The following EXTL3 variants were observed in gnomAD, a reference collection of about 807,000 sequenced individuals.
The protein encoded by EXTL3 is exostosin-like 3.
EXTL3 carries 27 observed loss-of-function variants against 69.3 expected under a neutral mutation model. The observed-to-expected ratio is 0.39, with a 90% CI of 0.29 to 0.54. The LOEUF (loss-of-function observed/expected upper bound fraction) is 0.54. Ranked by LOEUF, EXTL3 falls within the 20% of genes least tolerant of loss-of-function variation. EXTL3 has a pLI of 0.69. For synonymous variants in EXTL3, 511 were observed against 499.4 expected, an observed-to-expected ratio of 1.02 and a Z score of -0.31; for missense variants, 1,003 against 1,231.8, an observed-to-expected ratio of 0.81 and a Z score of 2.78.
At chr8:28,660,913 C>CT (rs35991958) in intron 1 of EXTL3, among the ~76,000 whole-genome samples, 100 of 97,534 alleles carry the variant, frequency 1.0e-3, no homozygotes, top group Middle Eastern at 5.2e-3. Flanking sequence ...TTGTTCGTTT[C>CT]TTTTTTTTTT....
Position 28,717,937 on chromosome 8 carries a change from G to A in EXTL3, c.1878G>A (p.Glu626=). 6.2e-7 allele frequency: 1 copy of A among 1,614,216 alleles called. No individual in the cohort carries two copies. The highest frequency in any genetic ancestry group is 8.5e-7 in the Non-Finnish European group (1 of 1,180,042). Residue 626 remains glutamate (E), a synonymous_variant, in exon 3 of 7, where the codon GAG becomes GAA. Coordinates refer to ENST00000220562, the MANE Select transcript of EXTL3 (RefSeq NM_001440.4). This position sits in a 1 kb window ranked among gnomAD's most constrained non-coding sequence, Gnocchi z 8.3. The part of the protein sequence containing the change: ...HTPFDPVLPS[E]AKFLGSGTGF... ...CCTTTGACCCTGTGTTGCCCTCAGA[G>A]GCCAAATTCTTGGGCTCAGGGACTG...
At chr8:28,625,488 ATAAT>A (rs1806477153) in intron 1 of EXTL3, among the ~76,000 whole-genome samples, 1 of 152,218 alleles carries the variant, frequency 6.6e-6, no homozygotes, top group Admixed American at 6.5e-5. Context: ...TAATTTTTAA[ATAAT>A]AGTCATGTAA....
intron 1 of EXTL3, among the ~76,000 whole-genome samples, chr8:28,629,967 C>T (rs1806548571): frequency 6.6e-6 from 1 of 152,144 alleles, no homozygotes; most frequent in Non-Finnish European, 1.5e-5. Context: ...GGGACGACAT[C>T]CCAATCTTGT....
At chr8:28,719,233 G>A (rs1043812790) in intron 3 of EXTL3, among the ~76,000 whole-genome samples, 1 of 152,226 alleles carries the variant, frequency 6.6e-6, no homozygotes, top group Admixed American at 6.5e-5. Context: ...ACAGACCTGG[G>A]ATTAAGTAGT....
At chr8:28,674,205 G>C (rs59550881) in intron 1 of EXTL3, among the ~76,000 whole-genome samples, 7,192 of 152,008 alleles carry the variant, frequency 0.047, 587 homozygotes, top group African/African-American at 0.16. Context: ...TCAGCTTCCT[G>C]AGTAGCTGGG....
chr8:28,638,344 C>G (rs1249767790), intron 1 of EXTL3, among the ~76,000 whole-genome samples: 1 of 152,208 alleles, frequency 6.6e-6, no homozygotes, highest in African/African-American at 2.4e-5. Context: ...TACCAACGAA[C>G]CCTATGACAA....
intron 1 of EXTL3, among the ~76,000 whole-genome samples, chr8:28,704,824 C>A (rs1257508645): frequency 6.6e-6 from 1 of 152,162 alleles, no homozygotes; most frequent in Non-Finnish European, 1.5e-5. Context: ...GTGTGTGCCA[C>A]CACACCCGGC....
intron 1 of EXTL3, among the ~76,000 whole-genome samples, chr8:28,679,119 A>C (rs240923): frequency 0.31 from 47,651 of 152,074 alleles, 7,541 homozygotes; most frequent in East Asian, 0.4. Context: ...CTCCAAACCA[A>C]AGGGTCATTT....
intron 1 of EXTL3, among the ~76,000 whole-genome samples, chr8:28,646,129 T>C (rs1053044961): frequency 6.6e-6 from 1 of 152,184 alleles, no homozygotes; most frequent in Non-Finnish European, 1.5e-5. Flanking sequence ...CCCAAAGTGT[T>C]GGGATTATAG....
chr8:28,629,424 A>T (rs563303384), intron 1 of EXTL3, among the ~76,000 whole-genome samples: 1 of 152,010 alleles, frequency 6.6e-6, no homozygotes, highest in African/African-American at 2.4e-5. Context: ...TCATTCATTC[A>T]TTCATTATCA....
chr8:28,681,539 C>T (rs1807490172), intron 1 of EXTL3, among the ~76,000 whole-genome samples: 2 of 152,052 alleles, frequency 1.3e-5, no homozygotes, highest in African/African-American at 4.8e-5. Flanking sequence ...AAAATTCATG[C>T]ATCCCTTGAT....
intron 1 of EXTL3, among the ~76,000 whole-genome samples, chr8:28,702,205 C>T (rs1394795038): frequency 6.6e-6 from 1 of 152,220 alleles, no homozygotes; most frequent in Non-Finnish European, 1.5e-5. Flanking sequence ...TCCCCGCTGG[C>T]TCTTTTTGCC....
intron 3 of EXTL3, among the ~76,000 whole-genome samples, chr8:28,725,027 A>G (rs1303822874): frequency 6.6e-6 from 1 of 152,110 alleles, no homozygotes; most frequent in African/African-American, 2.4e-5. Context: ...ATGATGGAGA[A>G]CTAAGGTCAG....
chr8:28,645,524 C>T (rs1237402878), intron 1 of EXTL3, among the ~76,000 whole-genome samples: 1 of 152,110 alleles, frequency 6.6e-6, no homozygotes, highest in Non-Finnish European at 1.5e-5. Flanking sequence ...TTGTAAAAGA[C>T]AAATGTACAA....
chr8:28,666,473 C>T (rs1807198399), intron 1 of EXTL3, among the ~76,000 whole-genome samples: 1 of 152,124 alleles, frequency 6.6e-6, no homozygotes, highest in Non-Finnish European at 1.5e-5. Flanking sequence ...CACTATGTTG[C>T]CCAGGCTGGT....
Position 28,709,203 on chromosome 8 carries a change from C to G in EXTL3, c.-569-4254C>G, listed in dbSNP as rs77132948. Among the ~76,000 whole-genome samples, 537 of 152,226 alleles carry G rather than the reference C, an allele frequency of 3.5e-3. 7 individuals carry two copies. Among genetic ancestry groups the G allele is most frequent in the African/African-American group, 0.012 (510 of 41,532 alleles). On this transcript the variant is annotated intron_variant, in intron 1 of 6. Coordinates refer to ENST00000220562, the MANE Select transcript of EXTL3 (RefSeq NM_001440.4). The stretch of plus-strand genomic sequence containing the variant: ...ATTAGCCTCTGTGCTTTGGTTTCCT[C>G]GTGTACAGAACAGGAATAACAGTAA...
At chr8:28,672,819 A>G (rs986464536) in intron 1 of EXTL3, among the ~76,000 whole-genome samples, 1 of 152,182 alleles carries the variant, frequency 6.6e-6, no homozygotes, top group Non-Finnish European at 1.5e-5. Context: ...CTGTGTCCCC[A>G]TCCAAATCTC....
intron 1 of EXTL3, among the ~76,000 whole-genome samples, chr8:28,677,372 T>A (rs1432766664): frequency 6.6e-6 from 1 of 152,100 alleles, no homozygotes; most frequent in Non-Finnish European, 1.5e-5. Flanking sequence ...CCTAGGAGCC[T>A]TTGTCTCTCT....
intron 1 of EXTL3, among the ~76,000 whole-genome samples, chr8:28,644,004 G>T (rs909536251): frequency 6.6e-6 from 1 of 152,066 alleles, no homozygotes; most frequent in Non-Finnish European, 1.5e-5. Flanking sequence ...GGATAAAGTG[G>T]TCCTCTGCCT....
Sources: gnomAD v4.1 joint callset for allele counts (sites outside exome capture counted in the v4.1 genomes callset) on GRCh38, gnomAD v4.1.1 for gene constraint, Gnocchi (gnomAD v3.1) non-coding constraint, MANE v1.5 for transcripts, NCBI Gene and HGNC (gene_info 2026-07-23, HGNC 2026-07-21) for gene names.